The following IL1RL2 variants were observed in gnomAD, a reference collection of about 807,000 sequenced individuals.
The protein encoded by IL1RL2 is interleukin-1 receptor-like 2.
IL1RL2 carries 68 observed loss-of-function variants against 66.8 expected under a neutral mutation model. The ratio of observed to expected loss-of-function variants is 1.02; its 90% CI spans 0.84 to 1.25. IL1RL2 has a LOEUF of 1.25. Among genes scored for constraint, IL1RL2 ranks in the 50% most tolerant of loss-of-function variants. The pLI is 0.00. For synonymous variants in IL1RL2, 305 were observed against 264.6 expected (o/e 1.15, Z -1.48); for missense variants, 729 against 709.3 (o/e 1.03, Z -0.32).
chr2:102,193,617 G>T (rs1208065199), intron 4 of IL1RL2, among the ~76,000 whole-genome samples: 4 of 152,138 alleles, frequency 2.6e-5, no homozygotes, highest in Admixed American at 1.3e-4. Flanking sequence ...CTCCCAAAGT[G>T]GTAGGATTAC....
chr2:102,207,169 TG>T (rs1688777246), intron 5 of IL1RL2, among the ~76,000 whole-genome samples: 1 of 152,168 alleles, frequency 6.6e-6, no homozygotes, highest in African/African-American at 2.4e-5. Context: ...CCAGGGCATG[TG>T]CAGAAGTGCC....
chr2:102,211,542 C>G (rs1464377305), intron 5 of IL1RL2, among the ~76,000 whole-genome samples: 2 of 152,176 alleles, frequency 1.3e-5, no homozygotes, highest in African/African-American at 4.8e-5. Context: ...CTTTTTTCAT[C>G]TTTACCTCTA....
At chr2:102,235,367 C>A in intron 11 of IL1RL2, 90 bp downstream of exon 11, 1 of 1,532,556 alleles carries the variant, frequency 6.5e-7, no homozygotes, top group South Asian at 1.3e-5. Context: ...GGACACGTTT[C>A]ATCGGGGCCG....
chr2:102,208,432 T>A (rs956432595), intron 5 of IL1RL2, among the ~76,000 whole-genome samples: 2 of 152,246 alleles, frequency 1.3e-5, no homozygotes, highest in Non-Finnish European at 2.9e-5. Flanking sequence ...CAGGCCAGCA[T>A]TGGTTTTTCC....
chr2:102,187,239 G>T, intron 1 of IL1RL2, 153 bp downstream of exon 1: 1 of 1,192,380 alleles, frequency 8.4e-7, no homozygotes. Flanking sequence ...AGGTGACCAT[G>T]GGGGAGCCGA....
chr2:102,231,394 A>G (rs928858693), intron 9 of IL1RL2, among the ~76,000 whole-genome samples: 1 of 152,176 alleles, frequency 6.6e-6, no homozygotes, highest in Non-Finnish European at 1.5e-5. Context: ...GCTACTCAGG[A>G]GACTGAGGCA....
At chr2:102,191,894 A>G in intron 3 of IL1RL2, 31 bp from the exon 4 acceptor site, 1 of 1,390,478 alleles carries the variant, frequency 7.2e-7, no homozygotes. Flanking sequence ...TTTGTTTTAA[A>G]GAGTTTATGA....
Position 102,201,656 on chromosome 2 carries a change from C to A in IL1RL2, c.590C>A (p.Ala197Asp), listed in dbSNP as rs772278646. 1.2e-6 allele frequency: 2 copies of A among 1,613,954 alleles called. No homozygotes were observed. The highest frequency in any genetic ancestry group is 2.2e-5 in the South Asian group (2 of 91,076). ...AEDRGNYACQ[A>D]ILTHSGKQYE... Reference sequence around the variant, plus strand: ...GACAGAGGGAACTACGCGTGTCAAGCCATACTGACACACTCAGGGAAGCAG... The same window carrying A: ...GACAGAGGGAACTACGCGTGTCAAGACATACTGACACACTCAGGGAAGCAG... The change falls in exon 5 of 12, where the codon GCC becomes GAC. Residue 197 changes from alanine (A) to aspartate (D), a missense_variant. By Grantham distance (126) the Ala-to-Asp change is moderately radical (BLOSUM62 -2). Transcript: ENST00000264257.
chr2:102,196,053 A>G (rs1007063925), intron 4 of IL1RL2, among the ~76,000 whole-genome samples: 2 of 151,998 alleles, frequency 1.3e-5, no homozygotes, highest in Admixed American at 1.3e-4. Context: ...ATAAGTCTTA[A>G]GTTTTGTATA....
intron 4 of IL1RL2, among the ~76,000 whole-genome samples, chr2:102,195,961 G>T (rs1185779564): frequency 6.6e-6 from 1 of 151,952 alleles, no homozygotes; most frequent in African/African-American, 2.4e-5. Flanking sequence ...TGATCCACTT[G>T]TCTCAGTCTC....
At chr2:102,239,110 G>C in intron 11 of IL1RL2, 82 bp from the exon 12 acceptor site, 2 of 1,265,602 alleles carry the variant, frequency 1.6e-6, no homozygotes, top group Non-Finnish European at 1.2e-6. Flanking sequence ...GGAGGTTTTC[G>C]CATTCCCATG....
chr2:102,235,520 C>T, intron 11 of IL1RL2: 1 of 985,438 alleles, frequency 1.0e-6, no homozygotes. Context: ...CTTATTGACA[C>T]ATGCCCACTC....
intron 11 of IL1RL2, among the ~76,000 whole-genome samples, chr2:102,237,883 C>T (rs1328061180): frequency 1.3e-5 from 2 of 152,264 alleles, no homozygotes; most frequent in South Asian, 2.1e-4. Context: ...CCTCAATTCT[C>T]TCCCGTTTCT....
chr2:102,217,705 G>A (rs1689732830), intron 6 of IL1RL2, among the ~76,000 whole-genome samples: 1 of 152,114 alleles, frequency 6.6e-6, no homozygotes, highest in South Asian at 2.1e-4. Flanking sequence ...TCAATAAATG[G>A]TGATAGGAAA....
intron 5 of IL1RL2, among the ~76,000 whole-genome samples, chr2:102,204,826 T>G (rs1311257950): frequency 6.6e-6 from 1 of 152,098 alleles, no homozygotes; most frequent in Non-Finnish European, 1.5e-5. Flanking sequence ...ATCTCTTTAT[T>G]GGAGAGTTTA....
At chr2:102,242,748 C>T (rs1675260398), downstream of IL1RL2, among the ~76,000 whole-genome samples, 1 of 152,178 alleles carries the variant, frequency 6.6e-6, no homozygotes, top group South Asian at 2.1e-4. Context: ...CAGACACGTC[C>T]ATAAATAATG....
chr2:102,198,728 T>C (rs1687990165), intron 4 of IL1RL2, among the ~76,000 whole-genome samples: 1 of 152,176 alleles, frequency 6.6e-6, no homozygotes, highest in African/African-American at 2.4e-5. Flanking sequence ...GGTCTTAGGA[T>C]TTGAGGTTCC....
intron 9 of IL1RL2, among the ~76,000 whole-genome samples, chr2:102,230,752 C>T (rs1031712368): frequency 1.3e-5 from 2 of 152,166 alleles, no homozygotes; most frequent in Non-Finnish European, 1.5e-5. Context: ...CATGCATGTG[C>T]ATGCGTGTGT....
intron 4 of IL1RL2, 35 bp from the exon 5 acceptor site, chr2:102,201,521 T>G: frequency 6.3e-7 from 1 of 1,596,882 alleles, no homozygotes; most frequent in Non-Finnish European, 8.6e-7. Context: ...TTTCTAAGTA[T>G]TCATTGAATT....
Sources: gnomAD v4.1 joint callset for allele counts (sites outside exome capture counted in the v4.1 genomes callset) on GRCh38, gnomAD v4.1.1 for gene constraint, MANE v1.5 for transcripts, NCBI Gene and HGNC (gene_info 2026-07-23, HGNC 2026-07-21) for gene names.